Variants in SLC16A2 observed in about 807,000 individuals in gnomAD.
The protein encoded by SLC16A2 is monocarboxylate transporter 8.
A neutral mutation model predicts 27.2 loss-of-function variants in SLC16A2; 3 were observed. That is an observed-to-expected ratio of 0.11 (90% CI 0.05 to 0.28). SLC16A2 has a LOEUF of 0.28. Among genes scored for constraint, SLC16A2 ranks in the 10% least tolerant of loss-of-function variants. The probability of loss-of-function intolerance (pLI) is 1.00; values close to 1 mark genes in which losing one functional copy is unlikely to be tolerated. For synonymous variants in SLC16A2, 202 were observed against 187.8 expected, an observed-to-expected ratio of 1.08 and a Z score of -0.62; for missense variants, 295 against 458.5, an observed-to-expected ratio of 0.64 and a Z score of 3.26.
Position 74,433,413 on chromosome X carries a change from G to A in SLC16A2, c.430+11346G>A, listed in dbSNP as rs1445272512. On this transcript the variant is annotated intron_variant, in intron 1 of 5. Coordinates refer to ENST00000587091, the MANE Select transcript of SLC16A2 (RefSeq NM_006517.5). Reference sequence around the variant, plus strand: ...GTACCCGTGCAGATTTCTTACGTGGGTAAATTATGTGGCGCTGAGGCTTGG... The same window carrying A: ...GTACCCGTGCAGATTTCTTACGTGGATAAATTATGTGGCGCTGAGGCTTGG... Among the ~76,000 whole-genome samples, 4 of 109,768 alleles carry A rather than the reference G, an allele frequency of 3.6e-5. 1 individual carries two copies. The highest frequency in any genetic ancestry group is 7.6e-5 in the Non-Finnish European group (4 of 52,639).
rs773263889 is a variant in SLC16A2, at chrX:74,529,246, A to T, written c.1204A>T (p.Met402Leu). The change falls in exon 5 of 6, where the codon ATG becomes TTG. Residue 402 changes from methionine (M) to leucine (L), a missense_variant. By Grantham distance (15) the Met-to-Leu change is conservative. Around this residue, in one of 3 missense-constraint regions of SLC16A2, gnomAD observed 144 missense variants for 219.8 expected, o/e 0.66. Coordinates refer to ENST00000587091, the MANE Select transcript of SLC16A2 (RefSeq NM_006517.5). ...CTTCCTGCTCCTGGGCCTGATGTCC[A>T]TGATGATTCCCCTGTGCCGGGACTT... Reference protein sequence around the residue: ...LSFLLLGLMSMMIPLCRDFGG... With the variant: ...LSFLLLGLMSLMIPLCRDFGG... 6 of 1,210,617 alleles carry T rather than the reference A, an allele frequency of 5.0e-6. No homozygotes were observed. The highest frequency in any genetic ancestry group is 2.2e-5 in the Admixed American group (1 of 45,922).
chrX:74,433,535 A>G (rs1419952506), intron 1 of SLC16A2, among the ~76,000 whole-genome samples: 5 of 110,803 alleles, frequency 4.5e-5, no homozygotes, highest in Non-Finnish European at 9.4e-5. Flanking sequence ...GTGATCCCCA[A>G]TGTCGATTGT....
chrX:74,517,509 C>A (rs1236101854), intron 1 of SLC16A2, among the ~76,000 whole-genome samples: 1 of 111,209 alleles, frequency 9.0e-6, no homozygotes, highest in African/African-American at 3.3e-5. Flanking sequence ...TACTTTTTTA[C>A]TCTGGCCAGA....
chrX:74,530,920 G>T (rs1189388809), intron 5 of SLC16A2, among the ~76,000 whole-genome samples: 1 of 111,044 alleles, frequency 9.0e-6, no homozygotes, highest in African/African-American at 3.3e-5. Flanking sequence ...TCAGAGAAAA[G>T]GAAAATAAAA....
At chrX:74,488,600 C>T (rs1378805139) in intron 1 of SLC16A2, among the ~76,000 whole-genome samples, 2 of 111,441 alleles carry the variant, frequency 1.8e-5, no homozygotes, top group Non-Finnish European at 3.8e-5. Flanking sequence ...CTAAATTATA[C>T]AACCCTTTTT....
intron 1 of SLC16A2, among the ~76,000 whole-genome samples, chrX:74,488,108 G>A (rs956729719): frequency 4.5e-5 from 5 of 111,079 alleles, no homozygotes; most frequent in African/African-American, 1.6e-4. Context: ...TGAATTAAAA[G>A]GTATCTGAGC....
chrX:74,455,082 C>T lies in SLC16A2; in HGVS notation c.430+33015C>T, dbSNP rs764887637. Among the ~76,000 whole-genome samples, 7 of 112,055 alleles carry T rather than the reference C, an allele frequency of 6.2e-5. No individual in the cohort carries two copies. In the South Asian group the frequency reaches 2.6e-3, roughly 41 times the overall value. ...TTCTATAATTTAGTAGTTGCATGTA[C>T]TTGTGCAAATTACTTAATCTCTGTA... On this transcript the variant is annotated intron_variant, in intron 1 of 5. Coordinates refer to ENST00000587091, the MANE Select transcript of SLC16A2 (RefSeq NM_006517.5).
intron 4 of SLC16A2, among the ~76,000 whole-genome samples, chrX:74,526,799 G>A (rs1050605686): frequency 1.9e-4 from 22 of 113,014 alleles, no homozygotes; most frequent in African/African-American, 6.4e-4. Context: ...AGATAATCTT[G>A]TGATTGAGAT....
At chrX:74,484,031 A>C (rs1461623924) in intron 1 of SLC16A2, among the ~76,000 whole-genome samples, 1 of 111,343 alleles carries the variant, frequency 9.0e-6, no homozygotes, top group African/African-American at 3.3e-5. Context: ...AGGAAGAGAG[A>C]GCTCCATGTT....
chrX:74,426,137 G>T (rs950297364), intron 1 of SLC16A2, among the ~76,000 whole-genome samples: 1 of 111,923 alleles, frequency 8.9e-6, no homozygotes, highest in African/African-American at 3.3e-5. Flanking sequence ...TGTCTCACTG[G>T]ACTGTAACAC....
At chrX:74,501,726 T>C (rs1038278753) in intron 1 of SLC16A2, among the ~76,000 whole-genome samples, 1 of 111,211 alleles carries the variant, frequency 9.0e-6, no homozygotes, top group Non-Finnish European at 1.9e-5. Context: ...TCAGCGACTC[T>C]CTTCAAAGTG....
intron 1 of SLC16A2, among the ~76,000 whole-genome samples, chrX:74,519,456 C>T (rs1479491487): frequency 2.9e-5 from 3 of 102,409 alleles, no homozygotes; most frequent in African/African-American, 3.5e-5. Flanking sequence ...GGATTACAGG[C>T]GTGAGCCACC....
At chrX:74,483,518 G>A (rs746474623) in intron 1 of SLC16A2, among the ~76,000 whole-genome samples, 84 of 110,660 alleles carry the variant, frequency 7.6e-4, no homozygotes, top group African/African-American at 2.4e-3. Context: ...CAAGATTGTC[G>A]TTGTTCCTGA....
At chrX:74,429,509 G>C in intron 1 of SLC16A2, among the ~76,000 whole-genome samples, 1 of 110,340 alleles carries the variant, frequency 9.1e-6, no homozygotes, top group Non-Finnish European at 1.9e-5. Context: ...GGGTGGAGGT[G>C]GGGGAGTGAA....
intron 1 of SLC16A2, among the ~76,000 whole-genome samples, chrX:74,472,052 T>A (rs967160245): frequency 8.0e-5 from 9 of 112,317 alleles, no homozygotes; most frequent in African/African-American, 2.9e-4. Flanking sequence ...CATATACATA[T>A]ACATTTTGTT....
At chrX:74,488,074 T>C (rs1929753609) in intron 1 of SLC16A2, among the ~76,000 whole-genome samples, 2 of 111,365 alleles carry the variant, frequency 1.8e-5, no homozygotes, top group Non-Finnish European at 3.8e-5. Flanking sequence ...CAAATTAATT[T>C]TACCAAAGAT....
In SLC16A2 at chrX:74,421,784, CGAGCCCCAGCCG is replaced by C. The variant is rs1569281082; in HGVS notation, c.159_170del (p.Glu54_Pro57del). The C allele has an allele frequency of 1.7e-6, 2 of 1,147,097 alleles. No individual in the cohort carries two copies. The highest frequency in any genetic ancestry group is 1.9e-5 in the South Asian group (1 of 52,797). 94.5% of individuals were successfully genotyped at this position (1,147,097 alleles called of 1,213,427 possible). ...CCGAGCCCGTGCCAGTGCCCCCGCC[CGAGCCCCAGCCG>C]GAGCCCCAGCCCCTACCGGACCCCG... On this transcript the variant is annotated inframe_deletion, in exon 1 of 6. Coordinates refer to ENST00000587091, the MANE Select transcript of SLC16A2 (RefSeq NM_006517.5).
intron 1 of SLC16A2, among the ~76,000 whole-genome samples, chrX:74,445,220 A>G (rs1344550008): frequency 9.0e-6 from 1 of 111,428 alleles, no homozygotes; most frequent in East Asian, 2.8e-4. Flanking sequence ...TGAGGTGGGT[A>G]GGAAGTTTTT....
At chrX:74,490,201 A>G (rs1929799761) in intron 1 of SLC16A2, among the ~76,000 whole-genome samples, 1 of 111,147 alleles carries the variant, frequency 9.0e-6, no homozygotes, top group South Asian at 3.8e-4. Flanking sequence ...TTGCAGGTTG[A>G]CCTTGGGGTT....
Sources: gnomAD v4.1 joint callset for allele counts (sites outside exome capture counted in the v4.1 genomes callset) on GRCh38, gnomAD v4.1.1 for gene constraint, gnomAD v4.1.1 regional missense constraint, MANE v1.5 for transcripts, NCBI Gene and HGNC (gene_info 2026-07-23, HGNC 2026-07-21) for gene names.